BRD1: variants seen among roughly 807,000 people sequenced by gnomAD.
BRD1 encodes the protein bromodomain-containing protein 1.
BRD1 carries 24 observed loss-of-function variants against 107.7 expected under a neutral mutation model. The ratio of observed to expected loss-of-function variants is 0.22; its 90% confidence interval spans 0.16 to 0.31. The LOEUF (loss-of-function observed/expected upper bound fraction) is 0.31. BRD1 is among the 10% of genes least tolerant of loss of function. The pLI is 1.00. For missense variants in BRD1, 1,279 were observed against 1,638.6 expected, an observed-to-expected ratio of 0.78 and a Z score of 3.79; for synonymous variants, 744 against 686.1, an observed-to-expected ratio of 1.08 and a Z score of -1.32.
chr22:49,800,838 CG>C (rs780772815), intron 3 of BRD1, among the ~76,000 whole-genome samples: 1 of 152,360 alleles, frequency 6.6e-6, no homozygotes, highest in African/African-American at 2.4e-5. Flanking sequence ...TCCCCACTGC[CG>C]GGAAGAAGCT....
intron 7 of BRD1, among the ~76,000 whole-genome samples, chr22:49,790,151 C>T (rs2059405524): frequency 6.6e-6 from 1 of 152,174 alleles, no homozygotes; most frequent in African/African-American, 2.4e-5. Context: ...CAGCCACCTG[C>T]CCAGCCGGGA....
At chr22:49,777,583 G>C in intron 9 of BRD1, 95 bp downstream of exon 9, 1 of 1,506,324 alleles carries the variant, frequency 6.6e-7, no homozygotes, top group Non-Finnish European at 8.9e-7. Flanking sequence ...AGAACACTAA[G>C]ATGGGAGCTG....
intron 3 of BRD1, among the ~76,000 whole-genome samples, chr22:49,799,656 G>A (rs893188381): frequency 5.3e-5 from 8 of 152,164 alleles, no homozygotes; most frequent in African/African-American, 7.2e-5. Flanking sequence ...CCCGACACAC[G>A]TTTCCCCACA....
intron 2 of BRD1, among the ~76,000 whole-genome samples, chr22:49,814,353 C>T (rs114260942): frequency 0.039 from 5,872 of 152,272 alleles, 421 homozygotes; most frequent in African/African-American, 0.13. Flanking sequence ...AGGTGGAGGA[C>T]GCCGTGCCCA....
Position 49,827,540 on chromosome 22 carries a change from G to A in BRD1, c.-58C>T, listed in dbSNP as rs1434283825. 6.9e-6 allele frequency: 1 copy of A among 144,974 alleles called. No homozygotes were observed. Among genetic ancestry groups the A allele is most frequent in the Non-Finnish European group, 1.5e-5 (1 of 65,390 alleles). 9.0% of individuals were successfully genotyped at this position (144,974 alleles called of 1,614,324 possible). ...GCGGGAGCCCGGCAAGCGGGCGGGC[G>A]CGGGGGCCGGCGCGGCCGAGGCGGT... is the stretch of plus-strand genomic sequence containing the variant. On this transcript the variant is annotated 5_prime_UTR_variant, in exon 1 of 13. Transcript: ENST00000404760.
chr22:49,782,013 T>G (rs550026084), intron 8 of BRD1, among the ~76,000 whole-genome samples: 1 of 148,086 alleles, frequency 6.8e-6, no homozygotes, highest in Admixed American at 6.7e-5. Context: ...GCACAAGACT[T>G]GCTCCGTGAC....
chr22:49,785,448 T>TA (rs775900454), intron 8 of BRD1, among the ~76,000 whole-genome samples: 6 of 152,342 alleles, frequency 3.9e-5, no homozygotes, highest in South Asian at 2.1e-4. Context: ...CGCCCACAAT[T>TA]ACACTGACCC....
At chr22:49,782,102 G>A (rs1031629756) in intron 8 of BRD1, among the ~76,000 whole-genome samples, 1 of 150,190 alleles carries the variant, frequency 6.7e-6, no homozygotes, top group African/African-American at 2.5e-5. Flanking sequence ...AGCTGGGACG[G>A]TCAGAGACAG....
At chr22:49,818,414 T>A in intron 2 of BRD1, 2 of 1,085,194 alleles carry the variant, frequency 1.8e-6, no homozygotes, top group Non-Finnish European at 2.3e-6. Flanking sequence ...ATTATGCGTG[T>A]ATTTATCCCT....
Position 49,794,258 on chromosome 22 carries a change from A to T in BRD1, c.2135T>A (p.Leu712Gln). 6.2e-7 allele frequency: 1 copy of T among 1,613,308 alleles called. No homozygotes were observed. The highest frequency in any genetic ancestry group is 8.5e-7 in the Non-Finnish European group (1 of 1,179,460). The stretch of plus-strand genomic sequence containing the variant: ...CTCTCTCAGCTGCTCCTCCAGGCCC[A>T]GGTGGGCTCTGTTGGCGGGGTCCAG... ...RLLDPANRAHLGLEEQLRELL... is the reference protein window; with the variant it reads ...RLLDPANRAHQGLEEQLRELL... Residue 712 changes from leucine to glutamine, a missense_variant, in exon 7 of 13, where the codon CTG (leucine) becomes CAG (glutamine). Physicochemically the swap from Leu to Gln is moderately radical, Grantham distance 113. Transcript: ENST00000404760.
At chr22:49,815,800 G>A (rs967941633) in intron 2 of BRD1, among the ~76,000 whole-genome samples, 4 of 152,182 alleles carry the variant, frequency 2.6e-5, no homozygotes, top group Non-Finnish European at 4.4e-5. Context: ...GTGCCCTCCC[G>A]AGCTCCCAGG....
intron 7 of BRD1, among the ~76,000 whole-genome samples, chr22:49,789,327 C>T (rs1051077015): frequency 2.0e-5 from 3 of 152,156 alleles, no homozygotes; most frequent in East Asian, 1.9e-4. Flanking sequence ...CTGGGCAATG[C>T]GGAGAAGGGC....
At chr22:49,775,270 G>C (rs1421565327) in intron 12 of BRD1, 1 of 188,972 alleles carries the variant, frequency 5.3e-6, no homozygotes, top group African/African-American at 2.3e-5. Context: ...GAGCACAGCA[G>C]AGGGACCCCC....
rs1257401524 is a variant in BRD1 at position 49,780,937 on chromosome 22, G to C, written c.2858-3124C>G. Among the ~76,000 whole-genome samples, 3 of 152,364 alleles carry C rather than the reference G, an allele frequency of 2.0e-5. No homozygotes were observed. In the South Asian group the frequency reaches 6.2e-4, roughly 32 times the overall value. On this transcript the variant is annotated intron_variant, in intron 8 of 12. Transcript: ENST00000404760. ...GGCATTTGCAAACAGCAGGCACTGA[G>C]GCCGAGCCCAAGCCTCTAAATCATG... is the stretch of plus-strand genomic sequence containing the variant.
At position 49,792,380 on chromosome 22, in the gene BRD1, C is replaced by T. The variant is rs904656662; in HGVS notation, c.2359+1654G>A. 6.6e-5 allele frequency among the ~76,000 whole-genome samples: 10 copies of T among 152,148 alleles called. No homozygotes were observed. Among genetic ancestry groups the T allele is most frequent in the East Asian group, 1.9e-4 (1 of 5,186 alleles). On this transcript the variant is annotated intron_variant, in intron 7 of 12. Transcript: ENST00000404760. The surrounding 1 kb of genome is among the most constrained non-coding windows in gnomAD (Gnocchi z 4.2). ...AGGCCCACACAGCCAGAGGATGCCT[C>T]GGTGGGCTGCACGGAAGCAAAGGCT...
rs889124438 is a variant in BRD1 at position 49,824,502 on chromosome 22, C to A, written c.-14-171G>T. 5 of 1,424,492 alleles carry A rather than the reference C, an allele frequency of 3.5e-6. No homozygotes were observed. Among genetic ancestry groups the A allele is most frequent in the African/African-American group, 1.4e-5 (1 of 69,390 alleles). 88.2% of individuals were successfully genotyped at this position (1,424,492 alleles called of 1,614,324 possible). On this transcript the variant is annotated intron_variant, in intron 1 of 12. Coordinates refer to ENST00000404760, the MANE Select transcript of BRD1 (RefSeq NM_001304808.3). The surrounding 1 kb of genome is among the most constrained non-coding windows in gnomAD (Gnocchi z 5.9). ...CCAAAACCACACATCCAGGCCTGAGCGAGTCCCCAGGACCAGGGAGGGAGC... is the reference window on the plus strand; with the variant it reads ...CCAAAACCACACATCCAGGCCTGAGAGAGTCCCCAGGACCAGGGAGGGAGC...
intron 5 of BRD1, 75 bp from the exon 6 acceptor site, chr22:49,798,192 T>A: frequency 7.1e-7 from 1 of 1,401,014 alleles, no homozygotes; most frequent in Non-Finnish European, 9.8e-7. Flanking sequence ...TATTATTCCA[T>A]ATAACCCACA....
chr22:49,815,188 T>A (rs1189732711), intron 2 of BRD1, among the ~76,000 whole-genome samples: 1 of 152,178 alleles, frequency 6.6e-6, no homozygotes. Context: ...CAGCCCATGC[T>A]CTGAGCACTC....
At position 49,783,615 on chromosome 22, in the gene BRD1, C is replaced by T. The variant is rs2059259040; in HGVS notation, c.2857+3775G>A. Among the ~76,000 whole-genome samples, 1 of 152,230 alleles carries T rather than the reference C, an allele frequency of 6.6e-6. No individual in the cohort carries two copies. The highest frequency in any genetic ancestry group is 2.1e-4 in the South Asian group (1 of 4,836). ...AGCTGCAGCAGGCTCCCAGTCGGTG[C>T]CGGGCTCTCCTCTGCGTCCTTCGTG... On this transcript the variant is annotated intron_variant, in intron 8 of 12. Transcript: ENST00000404760. This position sits in a 1 kb window ranked among gnomAD's most constrained non-coding sequence, Gnocchi z 4.2.
Sources: gnomAD v4.1 joint callset for allele counts (sites outside exome capture counted in the v4.1 genomes callset) on GRCh38, gnomAD v4.1.1 for gene constraint, Gnocchi (gnomAD v3.1) non-coding constraint, MANE v1.5 for transcripts, NCBI Gene and HGNC (gene_info 2026-07-23, HGNC 2026-07-21) for gene names.